IGSF9B: variants seen among roughly 807,000 people sequenced by gnomAD.
The protein encoded by IGSF9B is protein turtle homolog B.
In IGSF9B, 48 loss-of-function variants were observed where a neutral mutation model predicts 143.7. The ratio of observed to expected loss-of-function variants is 0.33; its 90% CI spans 0.26 to 0.42. IGSF9B has a LOEUF of 0.42. Ranked by LOEUF, IGSF9B falls within the 20% of genes least tolerant of loss-of-function variation. The probability of loss-of-function intolerance (pLI) is 1.00; values close to 1 mark genes in which losing one functional copy is unlikely to be tolerated. For missense variants in IGSF9B, 1,706 were observed against 1,980.0 expected (o/e 0.86, Z 2.63); for synonymous variants, 903 against 833.1 (o/e 1.08, Z -1.44).
chr11:133,947,826 C>G (rs1043759331), intron 1 of IGSF9B, among the ~76,000 whole-genome samples: 2 of 151,772 alleles, frequency 1.3e-5, no homozygotes, highest in Non-Finnish European at 2.9e-5. Flanking sequence ...CTCTGGATCT[C>G]TGTTTGTCTG....
rs1006275190 is a variant in IGSF9B, at chr11:133,901,283, G to A, written c.*7786C>T. On this transcript the variant is annotated 3_prime_UTR_variant, in exon 20 of 20. Transcript: ENST00000533871. ...CAGAGAGAATACCAAAGGAAGAGCA[G>A]GGAAGGAGGTGGCGTCAAGGCATGA... 1.3e-5 allele frequency: 2 copies of A among 152,266 alleles called. No homozygotes were observed. Among genetic ancestry groups the A allele is most frequent in the Non-Finnish European group, 2.9e-5 (2 of 68,052 alleles). The allele number at this position is 152,266 out of a possible 1,614,324, so 9.4% of individuals were successfully genotyped here.
chr11:133,951,738 G>A (rs958195599), intron 1 of IGSF9B, among the ~76,000 whole-genome samples: 10 of 152,110 alleles, frequency 6.6e-5, no homozygotes, highest in Non-Finnish European at 1.5e-4. Context: ...CAGGGCCCAG[G>A]TGCACGCGCC....
At position 133,920,001 on chromosome 11, in the gene IGSF9B, G is replaced by A. The variant is rs1344850675; in HGVS notation, c.3724C>T (p.Pro1242Ser). Residue 1242 changes from proline (P) to serine (S), a missense_variant, in exon 18 of 20, where the codon CCG (proline) becomes TCG (serine). Physicochemically the swap from Pro to Ser is moderately conservative, Grantham distance 74. This residue lies in a region of IGSF9B where 880 missense variants were observed against 762.9 expected (regional missense o/e 1.15). Coordinates refer to ENST00000533871, the MANE Select transcript of IGSF9B (RefSeq NM_001277285.4). ...TTTCGAGAAAAGCTGACTGCAGCCG[G>A]CGGCTGCAGGGTGATCTCTGACATC... The part of the protein sequence containing the change: ...AEMSEITLQP[P>S]AAVSFSRKST... The A allele has an allele frequency of 1.9e-6, 3 of 1,582,704 alleles. No individual in the cohort carries two copies. The highest frequency in any genetic ancestry group is 1.1e-5 in the South Asian group (1 of 87,750).
chr11:133,952,758 T>C (rs1940186538), intron 1 of IGSF9B, among the ~76,000 whole-genome samples: 1 of 151,486 alleles, frequency 6.6e-6, no homozygotes, highest in African/African-American at 2.4e-5. Context: ...TGTACACATA[T>C]AGGAACATGT....
intron 18 of IGSF9B, among the ~76,000 whole-genome samples, chr11:133,914,981 T>A (rs1939355022): frequency 1.3e-5 from 2 of 152,076 alleles, no homozygotes; most frequent in African/African-American, 4.8e-5. Context: ...AGCAACTCCA[T>A]CCTATCCCTG....
rs957275352 is a variant in IGSF9B at position 133,920,038 on chromosome 11, C to T, written c.3687G>A (p.Leu1229=). 2.5e-6 allele frequency: 4 copies of T among 1,573,122 alleles called. No homozygotes were observed. The highest frequency in any genetic ancestry group is 3.8e-5 in the Admixed American group (2 of 52,512). Residue 1229 remains leucine (L), a synonymous_variant, in exon 18 of 20, where the codon CTG becomes CTA. Transcript: ENST00000533871. The part of the protein sequence containing the change: ...AARARPRPGL[L]QQAEMSEITL... ...TGATCTCTGACATCTCTGCCTGCTG[C>T]AGGAGGCCCGGGCGAGGCCGGGCAC...
chr11:133,919,516 A>G (rs950664066), intron 18 of IGSF9B, among the ~76,000 whole-genome samples: 1 of 152,064 alleles, frequency 6.6e-6, no homozygotes, highest in Non-Finnish European at 1.5e-5. Context: ...GCCGGAGAAG[A>G]CGCCTCATGC....
intron 17 of IGSF9B, 56 bp from the exon 18 acceptor site, chr11:133,921,453 G>T (rs774548203): frequency 7.4e-7 from 1 of 1,353,112 alleles, no homozygotes; most frequent in Non-Finnish European, 9.7e-7. Context: ...TGCTGGCCAG[G>T]ACTTCCTTTC....
In IGSF9B at chr11:133,905,551, A is replaced by G. The variant is rs1057097833; in HGVS notation, c.*3518T>C. ...TCAAAAATAAAGACAGAGAGCATGGAAAAATAACAAGAAATACTCGGCTCA... is the reference window on the plus strand; with the variant it reads ...TCAAAAATAAAGACAGAGAGCATGGGAAAATAACAAGAAATACTCGGCTCA... On this transcript the variant is annotated 3_prime_UTR_variant, in exon 20 of 20. Coordinates refer to ENST00000533871, the MANE Select transcript of IGSF9B (RefSeq NM_001277285.4). The surrounding 1 kb of genome is among the most constrained non-coding windows in gnomAD (Gnocchi z 4.0). Among the ~76,000 whole-genome samples, 15 of 152,240 alleles carry G rather than the reference A, an allele frequency of 9.9e-5. No individual in the cohort carries two copies. The highest frequency in any genetic ancestry group is 3.1e-4 in the African/African-American group (13 of 41,470).
At chr11:133,929,570 G>C in intron 12 of IGSF9B, 101 bp downstream of exon 12, 2 of 805,078 alleles carry the variant, frequency 2.5e-6, no homozygotes, top group South Asian at 3.1e-5. Context: ...AGGAACTGCA[G>C]CCTCCTCCTA....
intron 1 of IGSF9B, among the ~76,000 whole-genome samples, chr11:133,949,765 G>A (rs1179555127): frequency 2.6e-5 from 4 of 151,976 alleles, no homozygotes; most frequent in African/African-American, 9.7e-5. Context: ...AGGAAGAGAG[G>A]AAGGGGAGGG....
chr11:133,945,458 ACACGCACACG>A lies in IGSF9B; in HGVS notation c.262+593_262+602del, dbSNP rs1940029069. On this transcript the variant is annotated intron_variant, in intron 2 of 19. Coordinates refer to ENST00000533871, the MANE Select transcript of IGSF9B (RefSeq NM_001277285.4). The surrounding 1 kb of genome is among the most constrained non-coding windows in gnomAD (Gnocchi z 4.6). ...CAACCCCAACAACGCTCGCTCAATG[ACACGCACACG>A]CACGCACACACACACCCACGCCCTC... Among the ~76,000 whole-genome samples, 1 of 152,150 alleles carries A rather than the reference ACACGCACACG, an allele frequency of 6.6e-6. No individual in the cohort carries two copies.
At chr11:133,936,838 C>A (rs138952478) in intron 5 of IGSF9B, among the ~76,000 whole-genome samples, 1 of 152,342 alleles carries the variant, frequency 6.6e-6, no homozygotes, top group East Asian at 1.9e-4. Flanking sequence ...GTAGAGACCC[C>A]CCGACCGGGA....
intron 14 of IGSF9B, 140 bp from the exon 15 acceptor site, chr11:133,925,044 C>T (rs781697819): frequency 7.5e-5 from 52 of 692,768 alleles, no homozygotes; most frequent in Non-Finnish European, 1.0e-4. Context: ...TAATGCTAAG[C>T]GATGGTAGCA....
Position 133,907,551 on chromosome 11 carries a change from C to T in IGSF9B, c.*1518G>A. Among the ~76,000 whole-genome samples the T allele has an allele frequency of 6.6e-6, 1 of 152,212 alleles. No individual in the cohort carries two copies. Among genetic ancestry groups the T allele is most frequent in the South Asian group, 2.1e-4 (1 of 4,836 alleles). ...AAGAGTGGGGGAGGGGCAGATCTCCCCTCCACCCCGCCCTCGGGGCCTTCT... is the reference window on the plus strand; with the variant it reads ...AAGAGTGGGGGAGGGGCAGATCTCCTCTCCACCCCGCCCTCGGGGCCTTCT... On this transcript the variant is annotated 3_prime_UTR_variant, in exon 20 of 20. Coordinates refer to ENST00000533871, the MANE Select transcript of IGSF9B (RefSeq NM_001277285.4).
chr11:133,910,303 G>A (rs1939281832), intron 19 of IGSF9B, among the ~76,000 whole-genome samples: 1 of 152,194 alleles, frequency 6.6e-6, no homozygotes, highest in Non-Finnish European at 1.5e-5. Flanking sequence ...AGTCCACGGT[G>A]CAAGGTACAA....
Position 133,920,669 on chromosome 11 carries a change from T to C in IGSF9B, c.3056A>G (p.Asn1019Ser), listed in dbSNP as rs1555087963. 1 of 1,613,454 alleles carries C rather than the reference T, an allele frequency of 6.2e-7. No individual in the cohort carries two copies. The highest frequency in any genetic ancestry group is 8.5e-7 in the Non-Finnish European group (1 of 1,179,808). ...HPTIPEENGE[N>S]ASNSTLPLTQ... ...CAAGGGCAGCGTGCTGTTGGATGCATTCTCTCCATTCTCCTCGGGGATGGT... is the reference window on the plus strand; with the variant it reads ...CAAGGGCAGCGTGCTGTTGGATGCACTCTCTCCATTCTCCTCGGGGATGGT... The change falls in exon 18 of 20, where the codon AAT (asparagine) becomes AGT (serine). Residue 1019 changes from asparagine to serine, a missense_variant. Physicochemically the swap from Asn to Ser is conservative, Grantham distance 46. Transcript: ENST00000533871.
rs990449325 is a variant in IGSF9B at position 133,945,586 on chromosome 11, GAGA to G, written c.262+472_262+474del. Among the ~76,000 whole-genome samples the G allele has an allele frequency of 1.4e-4, 21 of 152,318 alleles. No individual in the cohort carries two copies. Among genetic ancestry groups the G allele is most frequent in the Admixed American group, 2.6e-4 (4 of 15,308 alleles). ...CCAAACAGGACACAGACGGGGCCAGGAGAAGGAGAGGACAGCATGACAAGGAGG... is the reference window on the plus strand; with the variant it reads ...CCAAACAGGACACAGACGGGGCCAGGAGGAGAGGACAGCATGACAAGGAGG... On this transcript the variant is annotated intron_variant, in intron 2 of 19. Transcript: ENST00000533871. This position sits in a 1 kb window ranked among gnomAD's most constrained non-coding sequence, Gnocchi z 4.6.
intron 18 of IGSF9B, among the ~76,000 whole-genome samples, chr11:133,918,765 G>A (rs758102330): frequency 6.6e-6 from 1 of 151,752 alleles, no homozygotes; most frequent in Non-Finnish European, 1.5e-5. Context: ...TCCCTCCACA[G>A]GCGGCTACAT....
Sources: allele counts gnomAD v4.1 joint callset (sites outside exome capture counted in the v4.1 genomes callset), GRCh38; gene constraint gnomAD v4.1.1; regional missense constraint gnomAD v4.1.1; non-coding constraint Gnocchi (gnomAD v3.1); transcripts MANE v1.5; gene names NCBI Gene and HGNC (gene_info 2026-07-23, HGNC 2026-07-21).